LAMC3: variants seen among roughly 807,000 people sequenced by gnomAD.
The protein encoded by LAMC3 is laminin subunit gamma-3.
In LAMC3, 128 loss-of-function variants were observed where a neutral mutation model predicts 173.8. The ratio of observed to expected loss-of-function variants is 0.74; its 90% CI spans 0.64 to 0.85. The LOEUF is 0.85. Ranked by LOEUF, LAMC3 falls within the 40% of genes least tolerant of loss-of-function variation. The pLI, the probability that LAMC3 is intolerant of heterozygous loss-of-function variation, is 0.00. For missense variants in LAMC3, 2,022 were observed against 2,156.0 expected (o/e 0.94, Z 1.23); for synonymous variants, 897 against 909.1 (o/e 0.99, Z 0.24).
At position 131,061,767 on chromosome 9, in the gene LAMC3, C is replaced by T. The variant is rs372056155; in HGVS notation, c.2347+544C>T. Among the ~76,000 whole-genome samples the T allele has an allele frequency of 2.0e-4, 30 of 152,280 alleles. No individual in the cohort carries two copies. In the East Asian group the frequency reaches 3.3e-3, roughly 17 times the overall value. On this transcript the variant is annotated intron_variant, in intron 13 of 27. Transcript: ENST00000361069. ...GTTCACCCATTTAACGCATACAATT[C>T]GGCTGGGTGTGGTGGCTCATGCCTG...
chr9:131,009,277 C>A lies in LAMC3; in HGVS notation c.63C>A (p.Gly21=), dbSNP rs2133192875. ...ALLAPRAAGA[G]MGACYDGAGR... ...TGGCACCGCGGGCGGCCGGCGCGGG[C>A]ATGGGCGCGTGCTATGACGGCGCAG... Residue 21 remains glycine, a synonymous_variant, in exon 1 of 28, where the codon GGC becomes GGA. Coordinates refer to ENST00000361069, the MANE Select transcript of LAMC3 (RefSeq NM_006059.4). The surrounding 1 kb of genome is among the most constrained non-coding windows in gnomAD (Gnocchi z 4.3). The A allele has an allele frequency of 2.9e-6, 4 of 1,370,896 alleles. No individual in the cohort carries two copies. Among genetic ancestry groups the A allele is most frequent in the Non-Finnish European group, 3.7e-6 (4 of 1,067,048 alleles). The allele number at this position is 1,370,896 out of a possible 1,614,324, so 84.9% of individuals were successfully genotyped here.
chr9:131,024,365 C>G (rs1347473630), intron 1 of LAMC3, among the ~76,000 whole-genome samples: 3 of 152,070 alleles, frequency 2.0e-5, no homozygotes, highest in Non-Finnish European at 2.9e-5. Flanking sequence ...AGGCTGGTCT[C>G]GAACTCCTGA....
intron 1 of LAMC3, among the ~76,000 whole-genome samples, chr9:131,017,708 C>A (rs1588136571): frequency 1.0e-5 from 1 of 96,462 alleles, no homozygotes; most frequent in African/African-American, 4.4e-5. Context: ...TGGATGACAG[C>A]AAGACTGTCT....
At chr9:131,022,469 T>C (rs1432650604) in intron 1 of LAMC3, among the ~76,000 whole-genome samples, 1 of 152,166 alleles carries the variant, frequency 6.6e-6, no homozygotes, top group Non-Finnish European at 1.5e-5. Flanking sequence ...TACCGTATAA[T>C]TTACCCATTT....
Position 131,073,103 on chromosome 9 carries a change from C to T in LAMC3, c.3418-142C>T, listed in dbSNP as rs143583361. ...TTTCTGCATCCTAGGACTCCGCTCA[C>T]TGAATGCCGATGTTGTGGCCAGCTT... On this transcript the variant is annotated intron_variant, in intron 19 of 27. Coordinates refer to ENST00000361069, the MANE Select transcript of LAMC3 (RefSeq NM_006059.4). 547 of 751,008 alleles carry T rather than the reference C, an allele frequency of 7.3e-4. 2 individuals carry two copies. In the African/African-American group the frequency reaches 8.5e-3, roughly 12 times the overall value. 46.5% of individuals were successfully genotyped at this position (751,008 alleles called of 1,614,324 possible). A position where few individuals can be genotyped will look rare whatever the true frequency, so the allele number is the denominator to read the frequency against.
In LAMC3 at chr9:131,073,338, G is replaced by A; in HGVS notation, c.3494+17G>A. On this transcript the variant is annotated intron_variant, in intron 20 of 27. Transcript: ENST00000361069. ...CGCCAGGAGGTGAGTCCCAAGACAT[G>A]GTGAGCTTACACCTGGCCCTTCTCC... 6.2e-7 allele frequency: 1 copy of A among 1,603,150 alleles called. No homozygotes were observed. Among genetic ancestry groups the A allele is most frequent in the South Asian group, 1.1e-5 (1 of 90,858 alleles).
At chr9:131,067,738 G>A (rs1829964521) in intron 14 of LAMC3, among the ~76,000 whole-genome samples, 1 of 152,072 alleles carries the variant, frequency 6.6e-6, no homozygotes, top group African/African-American at 2.4e-5. Flanking sequence ...GCAGTGGCCA[G>A]GAGAACAGGG....
rs1833443691 is a variant in LAMC3 at position 131,012,706 on chromosome 9, G to A, written c.373+3119G>A. ...GTGTCCCCTGTGGAGGCCGTCTGAT[G>A]ACCTCTCCTCCTGGTCCTTAGGCCA... On this transcript the variant is annotated intron_variant, in intron 1 of 27. Coordinates refer to ENST00000361069, the MANE Select transcript of LAMC3 (RefSeq NM_006059.4). Among the ~76,000 whole-genome samples, 4 of 152,296 alleles carry A rather than the reference G, an allele frequency of 2.6e-5. No homozygotes were observed. In the South Asian group the frequency reaches 8.3e-4, roughly 32 times the overall value.
chr9:131,069,568 G>A, intron 16 of LAMC3, 104 bp from the exon 17 acceptor site: 5 of 1,175,580 alleles, frequency 4.3e-6, no homozygotes, highest in Middle Eastern at 2.7e-4. Context: ...GGCATTCTGG[G>A]AACACCCAGA....
Position 131,026,695 on chromosome 9 carries a change from C to A in LAMC3, c.678+106C>A. On this transcript the variant is annotated intron_variant, in intron 2 of 27. Transcript: ENST00000361069. This position sits in a 1 kb window ranked among gnomAD's most constrained non-coding sequence, Gnocchi z 4.8. ...CACACAGGGTGGGGGACCTGCAAAACCCCATGGTTTTCTTTTTCTTCTTTT... is the reference window on the plus strand; with the variant it reads ...CACACAGGGTGGGGGACCTGCAAAAACCCATGGTTTTCTTTTTCTTCTTTT... 12 of 1,425,842 alleles carry A rather than the reference C, an allele frequency of 8.4e-6. No individual in the cohort carries two copies. The South Asian group carries it at 1.7e-4, about 20-fold the overall frequency. The allele number at this position is 1,425,842 out of a possible 1,614,324, so 88.3% of individuals were successfully genotyped here.
At position 131,055,428 on chromosome 9, in the gene LAMC3, T is replaced by C. The variant is rs776076067; in HGVS notation, c.1940-1501T>C. 6.4e-3 allele frequency among the ~76,000 whole-genome samples: 903 copies of C among 140,784 alleles called. 2 individuals are homozygous for C. Among genetic ancestry groups the C allele is most frequent in the Non-Finnish European group, 0.01 (655 of 64,562 alleles). The allele number at this position is 140,784 out of a possible 152,430, so 92.4% of individuals were successfully genotyped here. Reference sequence around the variant, plus strand: ...CACTCTTTTTTCTTTTCTTTCTTTTTTTTTTTTTTTTTTTGAGACGGAGTC... The same window carrying C: ...CACTCTTTTTTCTTTTCTTTCTTTTCTTTTTTTTTTTTTTGAGACGGAGTC... On this transcript the variant is annotated intron_variant, in intron 11 of 27. Transcript: ENST00000361069.
intron 2 of LAMC3, among the ~76,000 whole-genome samples, chr9:131,028,850 AC>A (rs1324422882): frequency 6.6e-6 from 1 of 152,050 alleles, no homozygotes; most frequent in Non-Finnish European, 1.5e-5. Flanking sequence ...TTAAATAGAG[AC>A]CTCGTCTCAC....
intron 11 of LAMC3, among the ~76,000 whole-genome samples, chr9:131,054,079 T>G (rs1052857754): frequency 6.6e-6 from 1 of 151,886 alleles, no homozygotes; most frequent in East Asian, 1.9e-4. Context: ...TAGGCTCAGA[T>G]GTTTACAAAG....
At chr9:131,076,191 C>T (rs917558243) in intron 21 of LAMC3, among the ~76,000 whole-genome samples, 2 of 152,136 alleles carry the variant, frequency 1.3e-5, no homozygotes, top group African/African-American at 4.8e-5. Flanking sequence ...GCAACTCAGC[C>T]TCTTCAAGAG....
Position 131,026,690 on chromosome 9 carries a change from C to T in LAMC3, c.678+101C>T. ...CAGGACACACAGGGTGGGGGACCTG[C>T]AAAACCCCATGGTTTTCTTTTTCTT... is the stretch of plus-strand genomic sequence containing the variant. On this transcript the variant is annotated intron_variant, in intron 2 of 27. Transcript: ENST00000361069. The surrounding 1 kb of genome is among the most constrained non-coding windows in gnomAD (Gnocchi z 4.8). 4 of 1,431,082 alleles carry T rather than the reference C, an allele frequency of 2.8e-6. No homozygotes were observed. Among genetic ancestry groups the T allele is most frequent in the Non-Finnish European group, 2.7e-6 (3 of 1,095,046 alleles). 88.6% of individuals were successfully genotyped at this position (1,431,082 alleles called of 1,614,324 possible). A position where few individuals can be genotyped will look rare whatever the true frequency, so the allele number is the denominator to read the frequency against.
chr9:131,072,881 T>C, intron 19 of LAMC3, 46 bp downstream of exon 19: 1 of 1,550,312 alleles, frequency 6.5e-7, no homozygotes, highest in East Asian at 2.3e-5. Flanking sequence ...ACCTGGGCAT[T>C]GGTCCCTGCC....
At chr9:131,010,750 T>C (rs3808813) in intron 1 of LAMC3, among the ~76,000 whole-genome samples, 85,022 of 152,212 alleles carry the variant, frequency 0.56, 25,564 homozygotes, top group East Asian at 0.85. Context: ...ATGGCCTCTC[T>C]GCCCTGCTCA....
At chr9:131,070,312 C>T (rs557848989) in intron 17 of LAMC3, among the ~76,000 whole-genome samples, 2 of 152,362 alleles carry the variant, frequency 1.3e-5, no homozygotes, top group African/African-American at 4.8e-5. Context: ...TGGTAAGCCT[C>T]TGTCTCTTTC....
In LAMC3 at chr9:131,067,110, G is replaced by T. The variant is rs201590096; in HGVS notation, c.2498G>T (p.Arg833Leu). The T allele has an allele frequency of 1.2e-6, 2 of 1,614,138 alleles. No individual in the cohort carries two copies. The highest frequency in any genetic ancestry group is 1.7e-6 in the Non-Finnish European group (2 of 1,180,018). ...GACCCCCTGTCTGGCCACTGCCTGCGCTGCCTGCACAACACCACGGGTGAC... is the reference window on the plus strand; with the variant it reads ...GACCCCCTGTCTGGCCACTGCCTGCTCTGCCTGCACAACACCACGGGTGAC... ...NCDPLSGHCL[R>L]CLHNTTGDHC... is the part of the protein sequence containing the mutation. Residue 833 changes from arginine to leucine, a missense_variant, in exon 14 of 28, where the codon CGC (arginine) becomes CTC (leucine). By Grantham distance (102) the Arg-to-Leu change is moderately radical. Transcript: ENST00000361069.
Sources: gnomAD v4.1 joint callset for allele counts (sites outside exome capture counted in the v4.1 genomes callset) on GRCh38, gnomAD v4.1.1 for gene constraint, Gnocchi (gnomAD v3.1) non-coding constraint, MANE v1.5 for transcripts, NCBI Gene and HGNC (gene_info 2026-07-23, HGNC 2026-07-21) for gene names.